The following SANBR variants were observed in gnomAD, a reference collection of about 807,000 sequenced individuals.
The protein encoded by SANBR is SANT and BTB domain regulator of CSR.
SANBR carries 77 observed loss-of-function variants against 101.8 expected under a neutral mutation model. That is an observed-to-expected ratio of 0.76 (90% CI 0.63 to 0.91). The LOEUF (loss-of-function observed/expected upper bound fraction) is 0.91. SANBR is among the 40% of genes least tolerant of loss of function. The probability of loss-of-function intolerance (pLI) is 0.00; values close to 1 mark genes in which losing one functional copy is unlikely to be tolerated. For synonymous variants in SANBR, 279 were observed against 274.7 expected (o/e 1.02, Z -0.15); for missense variants, 875 against 853.0 (o/e 1.03, Z -0.32).
intron 1 of SANBR, chr2:61,066,394 G>C (rs559694846): frequency 6.6e-6 from 1 of 152,516 alleles, no homozygotes; most frequent in African/African-American, 2.4e-5. Context: ...CCACGGGCGG[G>C]AGCGGGGCGC....
chr2:61,117,080 G>A, intron 17 of SANBR: 1 of 436,772 alleles, frequency 2.3e-6, no homozygotes, highest in Non-Finnish European at 4.1e-6. Context: ...AATTGCATAA[G>A]CTGGGATTCC....
chr2:61,118,218 G>C lies in SANBR; in HGVS notation c.2028+102G>C, dbSNP rs780974360. The C allele has an allele frequency of 1.5e-5, 11 of 750,118 alleles. No homozygotes were observed. The Admixed American group carries it at 1.8e-4, about 12-fold the overall frequency. 46.5% of individuals were successfully genotyped at this position (750,118 alleles called of 1,614,324 possible). A position where few individuals can be genotyped will look rare whatever the true frequency, so the allele number is the denominator to read the frequency against. ...AGATGTCTTAGGCAGAATTTTAAAAGAGTAATTTATGTGTTTGTTTGTTTG... is the reference window on the plus strand; with the variant it reads ...AGATGTCTTAGGCAGAATTTTAAAACAGTAATTTATGTGTTTGTTTGTTTG... On this transcript the variant is annotated intron_variant, in intron 20 of 21. Coordinates refer to ENST00000402291, the MANE Select transcript of SANBR (RefSeq NM_001129993.3).
intron 21 of SANBR, among the ~76,000 whole-genome samples, chr2:61,136,435 C>T (rs1266515877): frequency 6.6e-6 from 1 of 150,512 alleles, no homozygotes; most frequent in East Asian, 1.9e-4. Context: ...GAGTTCAAGA[C>T]CAGCCTAACA....
chr2:61,126,453 A>G (rs1231903380), downstream of SANBR, among the ~76,000 whole-genome samples: 2 of 152,206 alleles, frequency 1.3e-5, no homozygotes, highest in African/African-American at 2.4e-5. Context: ...GATGTGGCTC[A>G]GATCACATCA....
At chr2:61,117,953 T>C (rs1008560522) in intron 19 of SANBR, 75 bp from the exon 20 acceptor site, 2 of 1,062,844 alleles carry the variant, frequency 1.9e-6, no homozygotes, top group East Asian at 5.1e-5. Flanking sequence ...CCTAGGTGAT[T>C]ACAGTCTTTT....
chr2:61,089,106 T>G (rs1682605738), intron 10 of SANBR: 1 of 982,934 alleles, frequency 1.0e-6, no homozygotes. Context: ...AATGTTATAT[T>G]GAATTTTACA....
In SANBR at chr2:61,103,855, C is replaced by A. The variant is rs375110548; in HGVS notation, c.1368C>A (p.Gly456=). 3 of 1,613,716 alleles carry A rather than the reference C, an allele frequency of 1.9e-6. No individual in the cohort carries two copies. Among genetic ancestry groups the A allele is most frequent in the Non-Finnish European group, 2.5e-6 (3 of 1,179,800 alleles). The change falls in exon 13 of 22, where the codon GGC becomes GGA. Residue 456 remains glycine (G), a splice_region_variant and synonymous_variant. Coordinates refer to ENST00000402291, the MANE Select transcript of SANBR (RefSeq NM_001129993.3). The part of the protein sequence containing the change: ...LRFDPTQLTK[G]CKVRDHMVTL... Reference sequence around the variant, plus strand: ...ATTTATTGTCTCTTATGTGACAGGGCTGTAAAGTGAGGGACCACATGGTTA... The same window carrying A: ...ATTTATTGTCTCTTATGTGACAGGGATGTAAAGTGAGGGACCACATGGTTA...
intron 20 of SANBR, among the ~76,000 whole-genome samples, chr2:61,130,331 G>C (rs1204010757): frequency 6.6e-6 from 1 of 152,050 alleles, no homozygotes; most frequent in Non-Finnish European, 1.5e-5. Flanking sequence ...TTATTAGAAG[G>C]ACACAAACTA....
chr2:61,099,527 C>T lies in SANBR; in HGVS notation c.1365+1675C>T, dbSNP rs144476796. On this transcript the variant is annotated intron_variant, in intron 12 of 21. Transcript: ENST00000402291. ...CGGAAATCAGGTTTCGAGGGAGACT[C>T]GTGAGTTCTGTTTTGGACATTTTGA... Among the ~76,000 whole-genome samples the T allele has an allele frequency of 2.0e-5, 3 of 152,226 alleles. No homozygotes were observed. The East Asian group carries it at 5.8e-4, about 29-fold the overall frequency.
Position 61,123,477 on chromosome 2 carries a change from C to A in SANBR, c.*1315C>A. On this transcript the variant is annotated 3_prime_UTR_variant, in exon 22 of 22. Transcript: ENST00000402291. The stretch of plus-strand genomic sequence containing the variant: ...TGAACTGCTGTTTAGAAATTTTGTT[C>A]CCATTTATATTTGTTTCAATTGTTT... The A allele has an allele frequency of 1.0e-6, 1 of 977,978 alleles. No homozygotes were observed. Among genetic ancestry groups the A allele is most frequent in the Non-Finnish European group, 1.2e-6 (1 of 823,142 alleles). The allele number at this position is 977,978 out of a possible 1,614,324, so 60.6% of individuals were successfully genotyped here. A position where few individuals can be genotyped will look rare whatever the true frequency, so the allele number is the denominator to read the frequency against.
chr2:61,109,692 T>C (rs1250181373), intron 16 of SANBR, among the ~76,000 whole-genome samples: 3 of 148,828 alleles, frequency 2.0e-5, no homozygotes, highest in Non-Finnish European at 4.5e-5. Flanking sequence ...TTTTTTTTTT[T>C]TTTTTTTTGA....
In SANBR at chr2:61,070,423, T is replaced by C; in HGVS notation, c.73T>C (p.Tyr25His). The change falls in exon 3 of 22, where the codon TAT becomes CAT. Residue 25 changes from tyrosine (Y) to histidine (H), a missense_variant. By Grantham distance (83) the Tyr-to-His change is moderately conservative (BLOSUM62 2). Coordinates refer to ENST00000402291, the MANE Select transcript of SANBR (RefSeq NM_001129993.3). ...CCAAATGGTATTGGACATGATCCTT[T>C]ATCCATTAATTGGAATCCCTCAGAC... ...NNQMVLDMILYPLIGIPQTIN... is the reference protein window; with the variant it reads ...NNQMVLDMILHPLIGIPQTIN... The C allele has an allele frequency of 6.2e-7, 1 of 1,601,342 alleles. No individual in the cohort carries two copies. Among genetic ancestry groups the C allele is most frequent in the Non-Finnish European group, 8.5e-7 (1 of 1,174,668 alleles).
intron 6 of SANBR, 39 bp from the exon 7 acceptor site, chr2:61,081,413 A>T (rs1252570726): frequency 5.1e-6 from 8 of 1,555,740 alleles, no homozygotes; most frequent in Non-Finnish European, 6.9e-6. Context: ...AGATTGGGGT[A>T]CCCATCAAAA....
At chr2:61,066,635 C>CT (rs1226229157) in intron 1 of SANBR, among the ~76,000 whole-genome samples, 1 of 152,268 alleles carries the variant, frequency 6.6e-6, no homozygotes, top group African/African-American at 2.4e-5. Context: ...TTTGACCTGC[C>CT]TGCCTGCCTG....
chr2:61,094,346 C>G (rs1682924017), intron 11 of SANBR, among the ~76,000 whole-genome samples: 1 of 152,162 alleles, frequency 6.6e-6, no homozygotes, highest in African/African-American at 2.4e-5. Flanking sequence ...TTTGCCTTTT[C>G]CAGAACGTCA....
chr2:61,129,924 C>A (rs1362198645), intron 20 of SANBR, among the ~76,000 whole-genome samples: 2 of 151,862 alleles, frequency 1.3e-5, no homozygotes, highest in Non-Finnish European at 2.9e-5. Context: ...AAAATTATAA[C>A]AATGTGTTAC....
chr2:61,128,343 G>A (rs952094224), downstream of SANBR, among the ~76,000 whole-genome samples: 4 of 151,466 alleles, frequency 2.6e-5, no homozygotes, highest in African/African-American at 7.3e-5. Flanking sequence ...CTCATCAGAC[G>A]CAGTGGAGAA....
chr2:61,102,129 T>C (rs1197257764), intron 12 of SANBR, among the ~76,000 whole-genome samples: 1 of 151,856 alleles, frequency 6.6e-6, no homozygotes, highest in Non-Finnish European at 1.5e-5. Flanking sequence ...ATCCCAGCAC[T>C]TTGGGAGGCC....
At chr2:61,084,121 T>C (rs1221407205) in intron 8 of SANBR, among the ~76,000 whole-genome samples, 1 of 151,998 alleles carries the variant, frequency 6.6e-6, no homozygotes, top group African/African-American at 2.4e-5. Context: ...GCGCAGCTGA[T>C]TTTTGTATTT....
Sources: allele counts gnomAD v4.1 joint callset (sites outside exome capture counted in the v4.1 genomes callset), GRCh38; gene constraint gnomAD v4.1.1; transcripts MANE v1.5; gene names NCBI Gene and HGNC (gene_info 2026-07-23, HGNC 2026-07-21).